Variants in FAM78B observed in about 807,000 individuals in gnomAD.
FAM78B encodes family with sequence similarity 78 member B, also known as protein FAM78B.
A neutral mutation model predicts 20.0 loss-of-function variants in FAM78B; 10 were observed. That is an observed-to-expected ratio of 0.50 (90% CI 0.31 to 0.85). The LOEUF (loss-of-function observed/expected upper bound fraction) is 0.85, where lower values mean the gene tolerates loss of function less well. Among genes scored for constraint, FAM78B ranks in the 40% least tolerant of loss-of-function variants. The pLI, the probability that FAM78B is intolerant of heterozygous loss-of-function variation, is 0.05. For missense variants in FAM78B, 283 were observed against 345.0 expected, an observed-to-expected ratio of 0.82 and a Z score of 1.42; for synonymous variants, 135 against 132.8, an observed-to-expected ratio of 1.02 and a Z score of -0.12.
intron 1 of FAM78B, among the ~76,000 whole-genome samples, chr1:166,116,878 G>C (rs1557906067): frequency 1.3e-5 from 2 of 152,120 alleles, no homozygotes; most frequent in African/African-American, 4.8e-5. Flanking sequence ...GAATCTTAAG[G>C]TTCCTTCCAG....
chr1:166,121,359 C>T (rs933236774), intron 1 of FAM78B, among the ~76,000 whole-genome samples: 3 of 152,176 alleles, frequency 2.0e-5, no homozygotes, highest in African/African-American at 7.2e-5. Context: ...TGAGGGTTCA[C>T]AGGGTAGTGG....
chr1:166,109,814 G>GTATA lies in FAM78B; in HGVS notation c.264-39055_264-39052dup, dbSNP rs201957585. ...GAAACTGTGATATATATGTATATAT[G>GTATA]TATATATATATATATATGTATATAT... On this transcript the variant is annotated intron_variant, in intron 1 of 1. Transcript: ENST00000354422. Among the ~76,000 whole-genome samples, 258 of 32,576 alleles carry GTATA rather than the reference G, an allele frequency of 7.9e-3. 26 individuals carry two copies. The highest frequency in any genetic ancestry group is 0.022 in the Middle Eastern group (1 of 46). 21.4% of individuals were successfully genotyped at this position (32,576 alleles called of 152,430 possible). A position where few individuals can be genotyped will look rare whatever the true frequency, so the allele number is the denominator to read the frequency against.
At chr1:166,144,315 C>T (rs1571201976) in intron 1 of FAM78B, among the ~76,000 whole-genome samples, 1 of 144,258 alleles carries the variant, frequency 6.9e-6, no homozygotes, top group Admixed American at 8.6e-5. Flanking sequence ...TAGAAATGGG[C>T]CCGATTTTCC....
downstream of FAM78B, among the ~76,000 whole-genome samples, chr1:166,067,864 C>T (rs746262319): frequency 2.6e-5 from 4 of 152,102 alleles, no homozygotes; most frequent in South Asian, 8.3e-4. Flanking sequence ...CAGAAAACTG[C>T]TGTGGGGGTA....
At chr1:166,122,005 C>T (rs1335188942) in intron 1 of FAM78B, among the ~76,000 whole-genome samples, 1 of 152,346 alleles carries the variant, frequency 6.6e-6, no homozygotes, top group Non-Finnish European at 1.5e-5. Flanking sequence ...TATTCATGAA[C>T]ATTTGGGACA....
chr1:166,127,303 G>A (rs949687358), intron 1 of FAM78B, among the ~76,000 whole-genome samples: 2 of 152,158 alleles, frequency 1.3e-5, no homozygotes, highest in East Asian at 1.9e-4. Context: ...GACAGAGACT[G>A]CATATATATT....
intron 1 of FAM78B, among the ~76,000 whole-genome samples, chr1:166,076,945 T>C (rs140829891): frequency 5.8e-4 from 89 of 152,166 alleles, no homozygotes; most frequent in African/African-American, 2.1e-3. Context: ...TCTTTGAGGA[T>C]GACAGACCTG....
intron 1 of FAM78B, among the ~76,000 whole-genome samples, chr1:166,124,377 C>T (rs1654568995): frequency 6.6e-6 from 1 of 152,176 alleles, no homozygotes; most frequent in Non-Finnish European, 1.5e-5. Context: ...ATGATAACAA[C>T]AAAAACAAAC....
intron 1 of FAM78B, among the ~76,000 whole-genome samples, chr1:166,077,733 TATAATAA>T (rs1652341378): frequency 8.1e-6 from 1 of 123,164 alleles, no homozygotes; most frequent in Non-Finnish European, 1.6e-5. Flanking sequence ...ATTTATAAAT[TATAATAA>T]ATACATATAA....
At chr1:166,108,362 A>G (rs1055134025) in intron 1 of FAM78B, among the ~76,000 whole-genome samples, 6 of 152,178 alleles carry the variant, frequency 3.9e-5, no homozygotes, top group Admixed American at 6.5e-5. Context: ...GACCAAGCAA[A>G]GAATCAAATC....
chr1:166,147,633 C>G (rs1253170680), intron 1 of FAM78B: 1 of 150,860 alleles, frequency 6.6e-6, no homozygotes, highest in Admixed American at 6.7e-5. Flanking sequence ...TTCCAAACAC[C>G]ATGATTTTTT....
At chr1:166,094,487 C>G (rs537202999) in intron 1 of FAM78B, among the ~76,000 whole-genome samples, 1 of 152,208 alleles carries the variant, frequency 6.6e-6, no homozygotes, top group African/African-American at 2.4e-5. Context: ...ACTATGGACC[C>G]AGAACTGCCT....
At chr1:166,094,829 G>A (rs951835303) in intron 1 of FAM78B, among the ~76,000 whole-genome samples, 3 of 152,222 alleles carry the variant, frequency 2.0e-5, no homozygotes, top group Non-Finnish European at 4.4e-5. Context: ...AACAGTGCTA[G>A]TAACACTTAC....
At chr1:166,147,637 AT>A (rs113931005) in intron 1 of FAM78B, 71 of 147,624 alleles carry the variant, frequency 4.8e-4, no homozygotes, top group Middle Eastern at 3.7e-3. Flanking sequence ...AAACACCATG[AT>A]TTTTTTTTTT....
Position 166,134,516 on chromosome 1 carries a change from G to GTAA in FAM78B, c.263+31467_263+31469dup, listed in dbSNP as rs201347416. On this transcript the variant is annotated intron_variant, in intron 1 of 1. Coordinates refer to ENST00000354422, the MANE Select transcript of FAM78B (RefSeq NM_001017961.5). ...TGAAAGACACCAGAACATTAAAGTA[G>GTAA]TAATAATAATAATAATAATAATAAT... Among the ~76,000 whole-genome samples, 918 of 150,900 alleles carry GTAA rather than the reference G, an allele frequency of 6.1e-3. 6 individuals carry two copies. The highest frequency in any genetic ancestry group is 0.019 in the African/African-American group (764 of 41,210).
chr1:166,137,720 TATG>T lies in FAM78B; in HGVS notation c.263+28263_263+28265del, dbSNP rs1557913782. 5.9e-5 allele frequency among the ~76,000 whole-genome samples: 9 copies of T among 152,348 alleles called. No homozygotes were observed. The South Asian group carries it at 1.7e-3, about 28-fold the overall frequency. On this transcript the variant is annotated intron_variant, in intron 1 of 1. Coordinates refer to ENST00000354422, the MANE Select transcript of FAM78B (RefSeq NM_001017961.5). Reference sequence around the variant, plus strand: ...TGAGGCCATGTTCTTGCTGTTGTACTATGATGTTATTAGTAAATAGATGTGGAA... The same window carrying T: ...TGAGGCCATGTTCTTGCTGTTGTACTATGTTATTAGTAAATAGATGTGGAA...
intron 1 of FAM78B, among the ~76,000 whole-genome samples, chr1:166,096,400 C>G (rs1477726823): frequency 2.0e-5 from 3 of 152,188 alleles, no homozygotes; most frequent in Admixed American, 6.5e-5. Flanking sequence ...CCAACCCAAA[C>G]AGCCCCATGC....
intron 1 of FAM78B, among the ~76,000 whole-genome samples, chr1:166,135,946 A>T (rs373721669): frequency 6.6e-6 from 1 of 152,220 alleles, no homozygotes; most frequent in East Asian, 1.9e-4. Context: ...TTGGTTTTTG[A>T]CATATTAACA....
At chr1:166,084,237 A>ACACACACACACACTCTCTCTCT (rs771421402) in intron 1 of FAM78B, among the ~76,000 whole-genome samples, 2 of 125,476 alleles carry the variant, frequency 1.6e-5, no homozygotes, top group South Asian at 2.6e-4. Flanking sequence ...ACACACACAC[A>ACACACACACACACTCTCTCTCT]CTCTCTCTCT....
Sources: gnomAD v4.1 joint callset for allele counts (sites outside exome capture counted in the v4.1 genomes callset) on GRCh38, gnomAD v4.1.1 for gene constraint, MANE v1.5 for transcripts, NCBI Gene and HGNC (gene_info 2026-07-23, HGNC 2026-07-21) for gene names.